Variants in PTPRE observed in about 807,000 individuals in gnomAD.
The protein encoded by PTPRE is receptor-type tyrosine-protein phosphatase epsilon.
PTPRE carries 51 observed loss-of-function variants against 102.0 expected under a neutral mutation model. The ratio of observed to expected loss-of-function variants is 0.50; its 90% CI spans 0.40 to 0.63. PTPRE has a LOEUF of 0.63. Among genes scored for constraint, PTPRE ranks in the 30% least tolerant of loss-of-function variants. The pLI, the probability that PTPRE is intolerant of heterozygous loss-of-function variation, is 0.00. For missense variants in PTPRE, 752 were observed against 915.1 expected (o/e 0.82, Z 2.30); for synonymous variants, 345 against 348.2 (o/e 0.99, Z 0.10).
intron 2 of PTPRE, among the ~76,000 whole-genome samples, chr10:128,010,644 G>T (rs767107592): frequency 6.7e-6 from 1 of 149,976 alleles, no homozygotes; most frequent in African/African-American, 2.4e-5. Flanking sequence ...GGGCAGTGAG[G>T]GCAGTGGCGC....
At chr10:128,016,324 C>T (rs1845422354) in intron 2 of PTPRE, among the ~76,000 whole-genome samples, 2 of 152,166 alleles carry the variant, frequency 1.3e-5, no homozygotes, top group African/African-American at 2.4e-5. Context: ...CAATTTGCAG[C>T]TTCTGTTACA....
chr10:128,007,068 T>C (rs919219063), intron 2 of PTPRE, among the ~76,000 whole-genome samples: 9 of 152,196 alleles, frequency 5.9e-5, no homozygotes, highest in African/African-American at 1.9e-4. Flanking sequence ...TTCTAGAAGA[T>C]TGTGACATAT....
At chr10:127,947,020 C>CAAAA (rs59527787) in intron 1 of PTPRE, among the ~76,000 whole-genome samples, 2,255 of 82,434 alleles carry the variant, frequency 0.027, 30 homozygotes, top group Non-Finnish European at 0.039. Context: ...GACCCTGTCT[C>CAAAA]AAAAAAAAAA....
chr10:127,921,589 A>G (rs948264957), intron 1 of PTPRE, among the ~76,000 whole-genome samples: 1 of 152,160 alleles, frequency 6.6e-6, no homozygotes. Context: ...GTCTATAGGG[A>G]CTGGGCTGGG....
At chr10:127,924,374 C>T (rs1241551404) in intron 1 of PTPRE, among the ~76,000 whole-genome samples, 1 of 152,102 alleles carries the variant, frequency 6.6e-6, no homozygotes, top group Non-Finnish European at 1.5e-5. Flanking sequence ...TACAGGCGCC[C>T]ACCACCGTGC....
intron 12 of PTPRE, chr10:128,068,505 G>A (rs1850478938): frequency 2.3e-6 from 1 of 427,100 alleles, no homozygotes; most frequent in Admixed American, 4.0e-5. Context: ...ACCCACCAAA[G>A]CCAGGAGGCT....
At chr10:127,993,419 A>C (rs1156981430) in intron 2 of PTPRE, among the ~76,000 whole-genome samples, 29 of 152,162 alleles carry the variant, frequency 1.9e-4, no homozygotes, top group Non-Finnish European at 1.5e-5. Flanking sequence ...GACAGAAAAC[A>C]GTTGATGTGG....
At chr10:128,035,068 C>A (rs187926541) in intron 2 of PTPRE, among the ~76,000 whole-genome samples, 1 of 152,038 alleles carries the variant, frequency 6.6e-6, no homozygotes, top group East Asian at 1.9e-4. Context: ...TTGCAACCTC[C>A]GCTTCCCAAG....
At chr10:127,995,629 G>C (rs547889473) in intron 2 of PTPRE, among the ~76,000 whole-genome samples, 5 of 152,188 alleles carry the variant, frequency 3.3e-5, no homozygotes, top group Non-Finnish European at 7.3e-5. Context: ...ACACCGATAT[G>C]AAAACCTGTT....
At chr10:127,969,221 C>A (rs567460993) in intron 1 of PTPRE, among the ~76,000 whole-genome samples, 1 of 152,338 alleles carries the variant, frequency 6.6e-6, no homozygotes, top group East Asian at 1.9e-4. Context: ...TTTTACTGGA[C>A]ATCTTATGAT....
chr10:127,908,281 G>T (rs1845630056), intron 1 of PTPRE, among the ~76,000 whole-genome samples: 1 of 152,120 alleles, frequency 6.6e-6, no homozygotes, highest in African/African-American at 2.4e-5. Flanking sequence ...GAGTGATCAC[G>T]TGATACAGAA....
intron 6 of PTPRE, among the ~76,000 whole-genome samples, chr10:128,051,844 C>G (rs1848589514): frequency 6.6e-6 from 1 of 152,072 alleles, no homozygotes; most frequent in South Asian, 2.1e-4. Context: ...CCTGGGGGAG[C>G]TGCTTTTTTG....
rs1848192587 is a variant in PTPRE at position 128,047,504 on chromosome 10, G to C, written c.209+15G>C. On this transcript the variant is annotated intron_variant, in intron 4 of 20. Transcript: ENST00000254667. ...TACTTCTTCAGGTAGGAGTGTCCCG[G>C]GGCACTGACTTGCCCCAACCAGCTC... The C allele has an allele frequency of 6.2e-7, 1 of 1,612,958 alleles. No individual in the cohort carries two copies. Among genetic ancestry groups the C allele is most frequent in the Non-Finnish European group, 8.5e-7 (1 of 1,179,984 alleles).
intron 6 of PTPRE, among the ~76,000 whole-genome samples, chr10:128,050,770 C>T (rs1331275407): frequency 6.6e-6 from 1 of 152,170 alleles, no homozygotes; most frequent in Non-Finnish European, 1.5e-5. Flanking sequence ...TCTTAATTAC[C>T]TTGAAGTTGG....
At chr10:128,075,454 C>G (rs930882607) in intron 17 of PTPRE, among the ~76,000 whole-genome samples, 5 of 152,112 alleles carry the variant, frequency 3.3e-5, no homozygotes, top group Admixed American at 6.5e-5. Flanking sequence ...CCTCCACCCC[C>G]CAACTGGCCC....
intron 2 of PTPRE, among the ~76,000 whole-genome samples, chr10:127,986,507 A>G (rs956600425): frequency 6.6e-6 from 1 of 152,248 alleles, no homozygotes; most frequent in Non-Finnish European, 1.5e-5. Flanking sequence ...TACCCAAGGA[A>G]TAAAAGAAAA....
chr10:128,040,475 T>C (rs974167731), intron 2 of PTPRE, among the ~76,000 whole-genome samples: 1 of 150,904 alleles, frequency 6.6e-6, no homozygotes, highest in Non-Finnish European at 1.5e-5. Context: ...ATGGGAGGGG[T>C]AGAGTTAGCA....
chr10:128,074,976 T>A (rs1209654886), intron 17 of PTPRE, among the ~76,000 whole-genome samples: 1 of 151,672 alleles, frequency 6.6e-6, no homozygotes, highest in Non-Finnish European at 1.5e-5. Flanking sequence ...TTTGCTTTTT[T>A]AAAACATCTT....
At chr10:128,068,764 G>C (rs906134223) in intron 12 of PTPRE, 2 of 152,422 alleles carry the variant, frequency 1.3e-5, no homozygotes, top group Non-Finnish European at 2.9e-5. Context: ...GCTGCCCCTC[G>C]CCAGCTGCCA....
Sources: allele counts gnomAD v4.1 joint callset (sites outside exome capture counted in the v4.1 genomes callset), GRCh38; gene constraint gnomAD v4.1.1; transcripts MANE v1.5; gene names NCBI Gene and HGNC (gene_info 2026-07-23, HGNC 2026-07-21).